SNTG2: variants seen among roughly 807,000 people sequenced by gnomAD.
The protein encoded by SNTG2 is gamma-2-syntrophin.
SNTG2 carries 74 observed loss-of-function variants against 70.9 expected under a neutral mutation model. That is an observed-to-expected ratio of 1.04 (90% confidence interval 0.86 to 1.27). The LOEUF is 1.27. Ranked by LOEUF, SNTG2 falls within the 50% of genes most tolerant of loss-of-function variation. The probability of loss-of-function intolerance (pLI) is 0.00; values close to 1 mark genes in which losing one functional copy is unlikely to be tolerated. For synonymous variants in SNTG2, 278 were observed against 273.8 expected (o/e 1.02, Z -0.15); for missense variants, 717 against 690.7 (o/e 1.04, Z -0.43).
intron 15 of SNTG2, among the ~76,000 whole-genome samples, chr2:1,309,802 A>G (rs1170818414): frequency 2.0e-5 from 3 of 152,256 alleles, no homozygotes; most frequent in Non-Finnish European, 4.4e-5. Flanking sequence ...CACATCTGCC[A>G]TCCAGTATCC....
chr2:1,132,243 A>G (rs948533018), intron 4 of SNTG2, among the ~76,000 whole-genome samples: 3 of 118,888 alleles, frequency 2.5e-5, no homozygotes, highest in African/African-American at 5.0e-5. Flanking sequence ...GTGTGTATAT[A>G]TATACACACA....
At chr2:965,086 C>CTGGACTCCAGTCCTCCTCCT (rs1660489586) in intron 1 of SNTG2, among the ~76,000 whole-genome samples, 1 of 151,556 alleles carries the variant, frequency 6.6e-6, no homozygotes, top group Non-Finnish European at 1.5e-5. Context: ...CAGTCCTCCT[C>CTGGACTCCAGTCCTCCTCCT]TGGACTCCAG....
At chr2:1,054,277 C>CAAG (rs1553315515) in intron 1 of SNTG2, among the ~76,000 whole-genome samples, 2 of 151,714 alleles carry the variant, frequency 1.3e-5, no homozygotes, top group Middle Eastern at 3.4e-3. Flanking sequence ...CGTTCCCACC[C>CAAG]AAGAGAGGCG....
chr2:1,027,543 C>T (rs971962425), intron 1 of SNTG2, among the ~76,000 whole-genome samples: 5 of 150,738 alleles, frequency 3.3e-5, no homozygotes, highest in African/African-American at 1.2e-4. Context: ...GCAAGTAACT[C>T]ATGCATCTCT....
chr2:1,347,760 G>C (rs1660370876), intron 16 of SNTG2, among the ~76,000 whole-genome samples: 1 of 152,214 alleles, frequency 6.6e-6, no homozygotes, highest in Admixed American at 6.5e-5. Flanking sequence ...ATCAGTCCCA[G>C]GGAGACATGA....
intron 1 of SNTG2, among the ~76,000 whole-genome samples, chr2:1,014,700 G>C (rs1300970044): frequency 8.0e-5 from 12 of 149,772 alleles, no homozygotes; most frequent in Non-Finnish European, 1.3e-4. Context: ...ATTTATATGG[G>C]CAGAGAGAAG....
At chr2:1,038,254 A>G (rs1438698726) in intron 1 of SNTG2, among the ~76,000 whole-genome samples, 2 of 152,216 alleles carry the variant, frequency 1.3e-5, no homozygotes, top group Non-Finnish European at 2.9e-5. Flanking sequence ...AATAAGGAAG[A>G]TATCTGTGTA....
chr2:1,145,046 A>C (rs1473509294), intron 6 of SNTG2, among the ~76,000 whole-genome samples: 1 of 152,220 alleles, frequency 6.6e-6, no homozygotes, highest in Non-Finnish European at 1.5e-5. Context: ...CAACTTATCA[A>C]AATTTGTGGG....
At chr2:1,143,077 G>A (rs1668861915) in intron 6 of SNTG2, among the ~76,000 whole-genome samples, 1 of 152,154 alleles carries the variant, frequency 6.6e-6, no homozygotes, top group South Asian at 2.1e-4. Flanking sequence ...AGTGACTGCC[G>A]ATAGGGGAGG....
At chr2:1,162,566 G>C (rs1224804384) in intron 6 of SNTG2, among the ~76,000 whole-genome samples, 1 of 151,884 alleles carries the variant, frequency 6.6e-6, no homozygotes, top group African/African-American at 2.4e-5. Flanking sequence ...GGACAGCGGA[G>C]GTCTGTGTGA....
intron 14 of SNTG2, among the ~76,000 whole-genome samples, chr2:1,306,340 C>G (rs1274324835): frequency 6.6e-6 from 1 of 152,100 alleles, no homozygotes; most frequent in African/African-American, 2.4e-5. Context: ...GCCTTTTGGG[C>G]CCCCCACCAT....
At chr2:1,126,623 C>G (rs1667713195) in intron 4 of SNTG2, among the ~76,000 whole-genome samples, 1 of 152,132 alleles carries the variant, frequency 6.6e-6, no homozygotes, top group Non-Finnish European at 1.5e-5. Context: ...CCTCTGCACC[C>G]TCACCAACAT....
rs111978983 is a variant in SNTG2 at position 1,134,762 on chromosome 2, C to A, written c.326-2860C>A. Among the ~76,000 whole-genome samples, 9 of 152,272 alleles carry A rather than the reference C, an allele frequency of 5.9e-5. No individual in the cohort carries two copies. The East Asian group carries it at 1.7e-3, about 30-fold the overall frequency. ...ATTGGGTGGTTGATGGGACTGGGCACGGTGGAGCAGGGGGCGTCGCTCGTT... is the reference window on the plus strand; with the variant it reads ...ATTGGGTGGTTGATGGGACTGGGCAAGGTGGAGCAGGGGGCGTCGCTCGTT... On this transcript the variant is annotated intron_variant, in intron 4 of 16. Transcript: ENST00000308624.
intron 1 of SNTG2, among the ~76,000 whole-genome samples, chr2:977,854 G>T (rs1482830589): frequency 6.6e-6 from 1 of 152,006 alleles, no homozygotes. Flanking sequence ...TTCCCGCCTC[G>T]TGCCACCTAC....
intron 1 of SNTG2, among the ~76,000 whole-genome samples, chr2:1,082,653 C>G (rs1018662722): frequency 1.3e-5 from 2 of 152,210 alleles, no homozygotes; most frequent in African/African-American, 4.8e-5. Context: ...GCTGCCACCC[C>G]TGCTCCTGCA....
chr2:1,291,152 C>T (rs769412337), intron 14 of SNTG2, among the ~76,000 whole-genome samples: 4 of 152,124 alleles, frequency 2.6e-5, no homozygotes, highest in Non-Finnish European at 4.4e-5. Flanking sequence ...GATATATCTT[C>T]TTGGAGTAAT....
intron 4 of SNTG2, among the ~76,000 whole-genome samples, chr2:1,129,915 T>G (rs1008875647): frequency 1.1e-4 from 17 of 152,194 alleles, no homozygotes; most frequent in Non-Finnish European, 1.9e-4. Context: ...TATAAAATAT[T>G]TGAAGGTGGT....
intron 1 of SNTG2, among the ~76,000 whole-genome samples, chr2:1,064,444 T>A (rs1663022621): frequency 6.6e-6 from 1 of 150,708 alleles, no homozygotes; most frequent in South Asian, 2.1e-4. Flanking sequence ...TATGTATATA[T>A]ACTGAAATAT....
At chr2:987,216 G>A (rs1198607903) in intron 1 of SNTG2, among the ~76,000 whole-genome samples, 1 of 152,218 alleles carries the variant, frequency 6.6e-6, no homozygotes, top group African/African-American at 2.4e-5. Flanking sequence ...TGGAGCCTGG[G>A]ATGGTTGTGC....
Sources: gnomAD v4.1 joint callset for allele counts (sites outside exome capture counted in the v4.1 genomes callset) on GRCh38, gnomAD v4.1.1 for gene constraint, MANE v1.5 for transcripts, NCBI Gene and HGNC (gene_info 2026-07-23, HGNC 2026-07-21) for gene names.